The following DMRT1 variants were observed in gnomAD, a reference collection of about 807,000 sequenced individuals.
DMRT1 encodes the protein doublesex- and mab-3-related transcription factor 1.
DMRT1 carries 7 observed loss-of-function variants against 32.3 expected under a neutral mutation model. The ratio of observed to expected loss-of-function variants is 0.22; its 90% CI spans 0.12 to 0.41. The LOEUF is 0.41. Ranked by LOEUF, DMRT1 falls within the 10% of genes least tolerant of loss-of-function variation. The probability of loss-of-function intolerance (pLI) is 1.00; values close to 1 mark genes in which losing one functional copy is unlikely to be tolerated. For missense variants in DMRT1, 625 were observed against 500.5 expected (o/e 1.25, Z -2.37); for synonymous variants, 278 against 206.1 (o/e 1.35, Z -2.99).
chr9:842,075 C>T lies in DMRT1; in HGVS notation c.237C>T (p.Cys79=). 6.5e-7 allele frequency: 1 copy of T among 1,546,210 alleles called. No individual in the cohort carries two copies. ...CGCGGCTGCCCAAGTGCGCACGCTG[C>T]AGGAACCACGGCTACGCCTCGCCGC... ...KSPRLPKCAR[C]RNHGYASPLK... The change falls in exon 1 of 5, where the codon TGC becomes TGT. Residue 79 remains cysteine, a synonymous_variant. Coordinates refer to ENST00000382276, the MANE Select transcript of DMRT1 (RefSeq NM_021951.3).
At chr9:913,151 A>C (rs1304657293) in intron 3 of DMRT1, among the ~76,000 whole-genome samples, 1 of 152,226 alleles carries the variant, frequency 6.6e-6, no homozygotes, top group Non-Finnish European at 1.5e-5. Flanking sequence ...AAAAACATCC[A>C]GCATTTTGCA....
intron 3 of DMRT1, among the ~76,000 whole-genome samples, chr9:916,516 G>A (rs879472844): frequency 1.3e-5 from 2 of 152,038 alleles, no homozygotes; most frequent in Non-Finnish European, 2.9e-5. Flanking sequence ...GATCTCACTC[G>A]TGCACTATCA....
chr9:884,986 A>G (rs1425373195), intron 2 of DMRT1, among the ~76,000 whole-genome samples: 1 of 152,188 alleles, frequency 6.6e-6, no homozygotes, highest in Non-Finnish European at 1.5e-5. Flanking sequence ...ACAAAAACAA[A>G]AACATCTAAC....
At position 968,742 on chromosome 9, in the gene DMRT1, C is replaced by T. The variant is rs1395068163; in HGVS notation, c.*603C>T. ...CATTAAAGCCTGTAAAAAAAAATTG[C>T]TGCGTTTTTGGTAAAGGGTGTAATT... On this transcript the variant is annotated 3_prime_UTR_variant, in exon 5 of 5. Transcript: ENST00000382276. 6.5e-6 allele frequency: 1 copy of T among 152,944 alleles called. No individual in the cohort carries two copies. The highest frequency in any genetic ancestry group is 1.5e-5 in the Non-Finnish European group (1 of 68,590). 9.5% of individuals were successfully genotyped at this position (152,944 alleles called of 1,614,324 possible).
At chr9:961,683 A>G (rs1452052088) in intron 4 of DMRT1, among the ~76,000 whole-genome samples, 1 of 152,226 alleles carries the variant, frequency 6.6e-6, no homozygotes, top group Non-Finnish European at 1.5e-5. Context: ...GTAAACATGT[A>G]TTCCTGGTTC....
At chr9:883,697 C>G (rs908361810) in intron 2 of DMRT1, among the ~76,000 whole-genome samples, 3 of 150,148 alleles carry the variant, frequency 2.0e-5, no homozygotes, top group African/African-American at 7.4e-5. Context: ...GAGGCAGAGA[C>G]AGGAGGATCA....
At chr9:952,455 C>T (rs569713650) in intron 4 of DMRT1, among the ~76,000 whole-genome samples, 2 of 152,154 alleles carry the variant, frequency 1.3e-5, no homozygotes, top group African/African-American at 4.8e-5. Flanking sequence ...CCAGGCAGCC[C>T]GTAAACCTGA....
intron 4 of DMRT1, among the ~76,000 whole-genome samples, chr9:917,818 A>G (rs1057112609): frequency 8.5e-5 from 13 of 152,238 alleles, no homozygotes; most frequent in African/African-American, 3.1e-4. Context: ...TTTATTTACC[A>G]TATTAACATA....
chr9:955,472 A>T (rs1229925677), intron 4 of DMRT1, among the ~76,000 whole-genome samples: 2 of 152,216 alleles, frequency 1.3e-5, no homozygotes, highest in East Asian at 3.9e-4. Context: ...TGGGAGGCTG[A>T]AGCAGGTGGA....
rs180919459 is a variant in DMRT1 at position 864,627 on chromosome 9, C to T, written c.538+17484C>T. Among the ~76,000 whole-genome samples the T allele has an allele frequency of 2.8e-4, 42 of 151,966 alleles. No homozygotes were observed. The South Asian group carries it at 7.1e-3, about 26-fold the overall frequency. ...CATTCTCCTTCCTCAGCCTCCTGAG[C>T]AGCTGGGACTACAGGCGCCCGCCAC... is the stretch of plus-strand genomic sequence containing the variant. On this transcript the variant is annotated intron_variant, in intron 2 of 4. Transcript: ENST00000382276.
chr9:967,504 T>C (rs1057453520), intron 4 of DMRT1, among the ~76,000 whole-genome samples: 10 of 152,310 alleles, frequency 6.6e-5, no homozygotes, highest in African/African-American at 2.4e-4. Flanking sequence ...GAAATAATAG[T>C]AAAGTTAATA....
rs1205351209 is a variant in DMRT1 at position 915,170 on chromosome 9, A to AT, written c.823-1590dup. Among the ~76,000 whole-genome samples, 2 of 152,224 alleles carry AT rather than the reference A, an allele frequency of 1.3e-5. 1 individual carries two copies. The highest frequency in any genetic ancestry group is 2.9e-5 in the Non-Finnish European group (2 of 68,046). ...TTGTTTAAAAGCGAGTACCATCTAA[A>AT]TTTAAGTTTTAAAAGACTGTCATAA... is the stretch of plus-strand genomic sequence containing the variant. On this transcript the variant is annotated intron_variant, in intron 3 of 4. Coordinates refer to ENST00000382276, the MANE Select transcript of DMRT1 (RefSeq NM_021951.3).
chr9:846,267 C>T (rs563608256), intron 1 of DMRT1, among the ~76,000 whole-genome samples: 1 of 152,086 alleles, frequency 6.6e-6, no homozygotes, highest in South Asian at 2.1e-4. Context: ...TCCTGACCTC[C>T]GGTGATCGGC....
chr9:854,080 G>T (rs1196093925), intron 2 of DMRT1, among the ~76,000 whole-genome samples: 1 of 151,652 alleles, frequency 6.6e-6, no homozygotes, highest in Non-Finnish European at 1.5e-5. Context: ...CAAAGTGCTG[G>T]GATTACAGGT....
chr9:864,834 A>G (rs4740951), intron 2 of DMRT1, among the ~76,000 whole-genome samples: 9,843 of 151,132 alleles, frequency 0.065, 648 homozygotes, highest in East Asian at 0.21. Context: ...CCTCAGTTCA[A>G]TTTTAGCTAT....
intron 4 of DMRT1, among the ~76,000 whole-genome samples, chr9:928,617 C>G (rs1406424892): frequency 6.6e-6 from 1 of 152,122 alleles, no homozygotes; most frequent in African/African-American, 2.4e-5. Context: ...GGCTTTGACT[C>G]TTGGAGAACC....
At chr9:925,019 C>A (rs1172401790) in intron 4 of DMRT1, among the ~76,000 whole-genome samples, 1 of 152,206 alleles carries the variant, frequency 6.6e-6, no homozygotes. Context: ...CTCCTCCAGG[C>A]TGTAGTCTGG....
chr9:843,581 C>T (rs767351724), intron 1 of DMRT1, among the ~76,000 whole-genome samples: 7 of 152,162 alleles, frequency 4.6e-5, no homozygotes, highest in Non-Finnish European at 7.3e-5. Context: ...GGTAATTTAA[C>T]ATTTTAACGG....
intron 4 of DMRT1, among the ~76,000 whole-genome samples, chr9:930,944 T>C (rs985854219): frequency 1.4e-4 from 21 of 152,236 alleles, no homozygotes; most frequent in Non-Finnish European, 2.9e-5. Context: ...TTAACAAAGC[T>C]ATGGAACCAT....
Sources: allele counts gnomAD v4.1 joint callset (sites outside exome capture counted in the v4.1 genomes callset), GRCh38; gene constraint gnomAD v4.1.1; transcripts MANE v1.5; gene names NCBI Gene and HGNC (gene_info 2026-07-23, HGNC 2026-07-21).